BAZ2B: variants seen among roughly 807,000 people sequenced by gnomAD.
BAZ2B encodes bromodomain adjacent to zinc finger domain 2B.
In BAZ2B, 91 loss-of-function variants were observed where a neutral mutation model predicts 246.0. The observed-to-expected ratio is 0.37, with a 90% CI of 0.31 to 0.44. The LOEUF is 0.44. BAZ2B is among the 20% of genes least tolerant of loss of function. BAZ2B has a pLI of 1.00. For synonymous variants in BAZ2B, 855 were observed against 860.0 expected (o/e 0.99, Z 0.10); for missense variants, 2,332 against 2,533.7 (o/e 0.92, Z 1.71).
At chr2:159,608,785 A>G (rs1694083335) in intron 1 of BAZ2B, among the ~76,000 whole-genome samples, 1 of 152,198 alleles carries the variant, frequency 6.6e-6, no homozygotes, top group Admixed American at 6.5e-5. Flanking sequence ...TTTAAAAAAA[A>G]GTACAGCCTA....
In BAZ2B at chr2:159,373,058, CATGCCTTCT is replaced by C. The variant is rs1456548390; in HGVS notation, c.4191_4199del (p.Gly1399_Glu1401del). Reference sequence around the variant, plus strand: ...ATGAGTTCTAACCTTCACCACTCTCCATGCCTTCTACAAAAATCCCCCCACATTGGGGAA... The same window carrying C: ...ATGAGTTCTAACCTTCACCACTCTCCACAAAAATCCCCCCACATTGGGGAA... On this transcript the variant is annotated inframe_deletion, in exon 27 of 37. Coordinates refer to ENST00000392783, the MANE Select transcript of BAZ2B (RefSeq NM_013450.4). 1 of 1,613,876 alleles carries C rather than the reference CATGCCTTCT, an allele frequency of 6.2e-7. No homozygotes were observed. Among genetic ancestry groups the C allele is most frequent in the African/African-American group, 1.3e-5 (1 of 75,042 alleles).
chr2:159,509,900 AGTGT>A (rs1344653372), intron 2 of BAZ2B, among the ~76,000 whole-genome samples: 2 of 151,550 alleles, frequency 1.3e-5, no homozygotes, highest in African/African-American at 4.8e-5. Context: ...TATACATACT[AGTGT>A]GTATGTATAA....
the BAZ2B span, among the ~76,000 whole-genome samples, chr2:159,682,218 A>C: frequency 2.5e-3 from 323 of 127,528 alleles, 1 homozygote; most frequent in Admixed American, 6.4e-3. Flanking sequence ...TTTTTTAGAC[A>C]GTCTCCCTCT....
chr2:159,480,471 G>T (rs1485395974), intron 2 of BAZ2B, among the ~76,000 whole-genome samples: 8 of 151,978 alleles, frequency 5.3e-5, no homozygotes, highest in Non-Finnish European at 7.4e-5. Flanking sequence ...AAATCAAGAA[G>T]GCAAAAGAAG....
At chr2:159,396,768 G>C (rs189326979) in intron 19 of BAZ2B, among the ~76,000 whole-genome samples, 219 of 152,016 alleles carry the variant, frequency 1.4e-3, no homozygotes, top group Non-Finnish European at 1.3e-3. Context: ...TAGAATGATG[G>C]GAGAATACGG....
chr2:159,584,934 C>A (rs1687703580), intron 1 of BAZ2B, among the ~76,000 whole-genome samples: 2 of 152,242 alleles, frequency 1.3e-5, no homozygotes, highest in South Asian at 4.1e-4. Context: ...ATGTGATGTG[C>A]CTTCTCCCCC....
intron 1 of BAZ2B, among the ~76,000 whole-genome samples, chr2:159,606,412 G>A (rs189508839): frequency 2.0e-5 from 3 of 151,988 alleles, no homozygotes; most frequent in Non-Finnish European, 2.9e-5. Context: ...ACTTATACAC[G>A]GCTCCTGATT....
the BAZ2B span, among the ~76,000 whole-genome samples, chr2:159,658,183 G>C: frequency 6.6e-6 from 1 of 152,090 alleles, no homozygotes; most frequent in Non-Finnish European, 1.5e-5. Context: ...CTATTGATAG[G>C]ATCATATGAT....
At chr2:159,704,325 T>C in the BAZ2B span, among the ~76,000 whole-genome samples, 1 of 152,174 alleles carries the variant, frequency 6.6e-6, no homozygotes. Flanking sequence ...ACAGGAATAG[T>C]GGAAAAAATA....
rs191755250 is a variant in BAZ2B at position 159,355,479 on chromosome 2, C to T, written c.4214-5122G>A. Among the ~76,000 whole-genome samples, 4 of 152,230 alleles carry T rather than the reference C, an allele frequency of 2.6e-5. No homozygotes were observed. In the East Asian group the frequency reaches 5.8e-4, roughly 22 times the overall value. ...TAAGATGATAACATAAAACCATTAC[C>T]CTTAATGAAAGATTCTCACATTTCC... is the stretch of plus-strand genomic sequence containing the variant. On this transcript the variant is annotated intron_variant, in intron 27 of 36. Coordinates refer to ENST00000392783, the MANE Select transcript of BAZ2B (RefSeq NM_013450.4).
intron 2 of BAZ2B, among the ~76,000 whole-genome samples, chr2:159,511,361 AC>A (rs1042123002): frequency 6.6e-6 from 1 of 151,752 alleles, no homozygotes; most frequent in Non-Finnish European, 1.5e-5. Context: ...CCAACACCAC[AC>A]CCGGCTAATT....
At chr2:159,322,103 T>A (rs528953948) in intron 36 of BAZ2B, 2 of 152,290 alleles carry the variant, frequency 1.3e-5, no homozygotes, top group Non-Finnish European at 2.9e-5. Flanking sequence ...CTTGTCAAAG[T>A]GGAATTCTAT....
At chr2:159,438,124 C>T (rs1233896074) in intron 8 of BAZ2B, 179 bp downstream of exon 8, 4 of 611,130 alleles carry the variant, frequency 6.5e-6, no homozygotes, top group Non-Finnish European at 1.1e-5. Flanking sequence ...TAAACAGATA[C>T]ATATATGAAT....
intron 13 of BAZ2B, among the ~76,000 whole-genome samples, chr2:159,414,475 A>G (rs1051924250): frequency 7.9e-5 from 12 of 152,190 alleles, no homozygotes; most frequent in Non-Finnish European, 1.3e-4. Context: ...GGTGATGAAT[A>G]CCCCATTTAC....
chr2:159,595,557 GAC>G (rs763510651), intron 1 of BAZ2B, among the ~76,000 whole-genome samples: 5 of 152,202 alleles, frequency 3.3e-5, no homozygotes, highest in African/African-American at 4.8e-5. Context: ...GCTGGTATAT[GAC>G]ACAGTTCTCA....
In BAZ2B at chr2:159,348,681, C is replaced by A. The variant is rs2058239460; in HGVS notation, c.5290G>T (p.Asp1764Tyr). The change falls in exon 30 of 37, where the codon GAT becomes TAT. Residue 1764 changes from aspartate (D) to tyrosine (Y), a missense_variant. Around this residue, in one of 9 missense-constraint regions of BAZ2B, gnomAD observed 676 missense variants for 668.6 expected, o/e 1.01. Transcript: ENST00000392783. ...GAAATATCTTTTAGGTACACACCAT[C>A]CTTATTCTTGAGGCAGGCTTGAGTA... The part of the protein sequence containing the change: ...YITQACLKNK[D>Y]VAIIELNENE... 3 of 1,596,504 alleles carry A rather than the reference C, an allele frequency of 1.9e-6. No individual in the cohort carries two copies. The highest frequency in any genetic ancestry group is 1.8e-5 in the Admixed American group (1 of 54,728).
intron 27 of BAZ2B, among the ~76,000 whole-genome samples, chr2:159,365,370 T>C (rs2060116375): frequency 6.6e-6 from 1 of 152,204 alleles, no homozygotes; most frequent in African/African-American, 2.4e-5. Context: ...TCCACTTTGG[T>C]GAAGTTCCTT....
chr2:159,394,174 C>A (rs2063697711), intron 20 of BAZ2B, among the ~76,000 whole-genome samples: 1 of 151,706 alleles, frequency 6.6e-6, no homozygotes, highest in South Asian at 2.1e-4. Flanking sequence ...TAGGGAAGAA[C>A]TTGTCTCCTG....
chr2:159,694,296 G>A, the BAZ2B span: 1 of 152,158 alleles, frequency 6.6e-6, no homozygotes, highest in Non-Finnish European at 1.5e-5. Flanking sequence ...TCCACACGGT[G>A]AGAAAATACA....
Sources: allele counts gnomAD v4.1 joint callset (sites outside exome capture counted in the v4.1 genomes callset), GRCh38; gene constraint gnomAD v4.1.1; regional missense constraint gnomAD v4.1.1; transcripts MANE v1.5; gene names NCBI Gene and HGNC (gene_info 2026-07-23, HGNC 2026-07-21).